Variants in CAMTA1 observed in about 807,000 individuals in gnomAD.
The protein encoded by CAMTA1 is calmodulin binding transcription activator 1, also known as calmodulin-binding transcription activator 1.
CAMTA1 carries 27 observed loss-of-function variants against 170.9 expected under a neutral mutation model. The observed-to-expected ratio is 0.16, with a 90% confidence interval of 0.12 to 0.22. CAMTA1 has a LOEUF of 0.22. CAMTA1 is among the 10% of genes least tolerant of loss of function. CAMTA1 has a pLI of 1.00. For missense variants in CAMTA1, 1,619 were observed against 2,217.2 expected, an observed-to-expected ratio of 0.73 and a Z score of 5.42; for synonymous variants, 833 against 891.5, an observed-to-expected ratio of 0.93 and a Z score of 1.17.
chr1:7,058,137 T>G (rs1339137240), intron 3 of CAMTA1, among the ~76,000 whole-genome samples: 1 of 152,114 alleles, frequency 6.6e-6, no homozygotes, highest in Non-Finnish European at 1.5e-5. Flanking sequence ...ACATTGGGGC[T>G]GTGGGCTGCT....
At chr1:7,670,825 A>G in intron 9 of CAMTA1, 86 bp from the exon 10 acceptor site, 1 of 1,485,048 alleles carries the variant, frequency 6.7e-7, no homozygotes. Flanking sequence ...CCCCCATCTG[A>G]GCAGTGAAGC....
intron 5 of CAMTA1, among the ~76,000 whole-genome samples, chr1:7,340,241 C>T (rs956755623): frequency 1.3e-5 from 2 of 152,106 alleles, no homozygotes; most frequent in Non-Finnish European, 2.9e-5. Flanking sequence ...TTATAGTGTG[C>T]CAATTGTTGT....
At chr1:7,621,978 G>A (rs920350247) in intron 6 of CAMTA1, among the ~76,000 whole-genome samples, 4 of 152,226 alleles carry the variant, frequency 2.6e-5, no homozygotes, top group Non-Finnish European at 5.9e-5. Flanking sequence ...TTGCAATCCC[G>A]TCAAGTCTTT....
chr1:7,560,040 C>T (rs1448235568), intron 6 of CAMTA1, among the ~76,000 whole-genome samples: 1 of 152,228 alleles, frequency 6.6e-6, no homozygotes, highest in Non-Finnish European at 1.5e-5. Flanking sequence ...TCACATGTGA[C>T]TCTGGGACCC....
chr1:6,788,681 C>A (rs1400481116), intron 1 of CAMTA1, among the ~76,000 whole-genome samples: 2 of 152,030 alleles, frequency 1.3e-5, no homozygotes, highest in Non-Finnish European at 2.9e-5. Flanking sequence ...TTCTTCCTAC[C>A]GTTTCCTCCA....
rs1225139872 is a variant in CAMTA1 at position 7,769,435 on chromosome 1, G to A, written c.*2944G>A. On this transcript the variant is annotated 3_prime_UTR_variant, in exon 23 of 23. Coordinates refer to ENST00000303635, the MANE Select transcript of CAMTA1 (RefSeq NM_015215.4). ...AATACGAACCCCTCTCTGGCTGCAC[G>A]GTCGCTTATGGCAGTTCCACACAGT... The A allele has an allele frequency of 6.5e-6, 1 of 152,768 alleles. No individual in the cohort carries two copies. The highest frequency in any genetic ancestry group is 2.1e-4 in the South Asian group (1 of 4,826). The allele number at this position is 152,768 out of a possible 1,614,324, so 9.5% of individuals were successfully genotyped here.
chr1:7,453,593 G>A (rs895837570), intron 5 of CAMTA1, among the ~76,000 whole-genome samples: 2 of 152,232 alleles, frequency 1.3e-5, no homozygotes, highest in Non-Finnish European at 2.9e-5. Flanking sequence ...AGTCCTGGGG[G>A]AAGGCTGCCC....
Position 7,415,123 on chromosome 1 carries a change from A to T in CAMTA1, c.439-52707A>T, listed in dbSNP as rs1409086218. On this transcript the variant is annotated intron_variant, in intron 5 of 22. Transcript: ENST00000303635. ...GTTTGATTGCACTGTGGTCTGAGAG[A>T]CAGTTTGTTATAATTTCTGTTCTTT... Among the ~76,000 whole-genome samples, 4 of 152,166 alleles carry T rather than the reference A, an allele frequency of 2.6e-5. No homozygotes were observed. In the South Asian group the frequency reaches 8.3e-4, roughly 32 times the overall value.
intron 4 of CAMTA1, among the ~76,000 whole-genome samples, chr1:7,242,893 C>T (rs868387604): frequency 4.6e-5 from 7 of 151,920 alleles, no homozygotes; most frequent in Admixed American, 2.6e-4. Context: ...ACCCAGAAGG[C>T]GGAGCTTGCA....
rs188821784 is a variant in CAMTA1 at position 6,974,638 on chromosome 1, A to C, written c.235-116666A>C. Among the ~76,000 whole-genome samples the C allele has an allele frequency of 3.9e-5, 6 of 152,264 alleles. No individual in the cohort carries two copies. In the East Asian group the frequency reaches 1.2e-3, roughly 29 times the overall value. On this transcript the variant is annotated intron_variant, in intron 3 of 22. Transcript: ENST00000303635. ...GGAGGCTGCTCGGAGGGAGTCTTTG[A>C]GGAAGCCGACTCCTCTTACCTGCCG...
chr1:6,891,848 C>G (rs1327476556), intron 3 of CAMTA1, among the ~76,000 whole-genome samples: 1 of 152,184 alleles, frequency 6.6e-6, no homozygotes, highest in African/African-American at 2.4e-5. Context: ...AGTGATGCCA[C>G]AGACAACATC....
rs139529942 is a variant in CAMTA1, at chr1:6,907,224, T to G, written c.234+82014T>G. ...AGGATGTTCTGGAGGCCGAGCAGCA[T>G]CATCAACATTCAGTGTTTGCTGAGT... On this transcript the variant is annotated intron_variant, in intron 3 of 22. Coordinates refer to ENST00000303635, the MANE Select transcript of CAMTA1 (RefSeq NM_015215.4). Among the ~76,000 whole-genome samples the G allele has an allele frequency of 4.5e-3, 684 of 152,322 alleles. 8 individuals carry two copies. The highest frequency in any genetic ancestry group is 0.016 in the African/African-American group (668 of 41,568).
At chr1:6,830,380 GT>G (rs1286272542) in intron 3 of CAMTA1, among the ~76,000 whole-genome samples, 6 of 144,672 alleles carry the variant, frequency 4.1e-5, no homozygotes, top group Admixed American at 7.0e-5. Flanking sequence ...GTCTCACTCT[GT>G]TACCCAGGCT....
intron 22 of CAMTA1, among the ~76,000 whole-genome samples, chr1:7,757,159 T>C (rs891203529): frequency 3.3e-5 from 5 of 152,220 alleles, no homozygotes; most frequent in African/African-American, 1.2e-4. Flanking sequence ...TAGACTTATG[T>C]TGGTGCTAAT....
chr1:6,922,748 T>C (rs1338557173), intron 3 of CAMTA1, among the ~76,000 whole-genome samples: 1 of 152,172 alleles, frequency 6.6e-6, no homozygotes, highest in Non-Finnish European at 1.5e-5. Context: ...TGGCCTCCAC[T>C]TCTTGGTGGG....
rs953321108 is a variant in CAMTA1, at chr1:6,844,864, T to G, written c.234+19654T>G. ...TTTCTAAAGTTCAAAGAGTCAATGC[T>G]AAGCTATTGTTTAAGGACACATAAG... On this transcript the variant is annotated intron_variant, in intron 3 of 22. Coordinates refer to ENST00000303635, the MANE Select transcript of CAMTA1 (RefSeq NM_015215.4). 2.0e-5 allele frequency among the ~76,000 whole-genome samples: 3 copies of G among 152,292 alleles called. No individual in the cohort carries two copies. The South Asian group carries it at 6.2e-4, about 32-fold the overall frequency.
At chr1:7,647,668 A>C (rs2095818204) in intron 7 of CAMTA1, among the ~76,000 whole-genome samples, 1 of 152,190 alleles carries the variant, frequency 6.6e-6, no homozygotes, top group South Asian at 2.1e-4. Context: ...TTTCCTCTCC[A>C]GCTCAGTCGA....
chr1:6,796,294 T>C (rs563096550), intron 1 of CAMTA1, among the ~76,000 whole-genome samples: 1 of 152,072 alleles, frequency 6.6e-6, no homozygotes, highest in South Asian at 2.1e-4. Context: ...CGCGCCACCA[T>C]GCCTGGCTAA....
intron 4 of CAMTA1, among the ~76,000 whole-genome samples, chr1:7,204,878 G>C (rs1573880336): frequency 8.0e-6 from 1 of 124,624 alleles, no homozygotes; most frequent in East Asian, 2.4e-4. Flanking sequence ...CACCCAGGCT[G>C]AAGTGCAGTG....
Sources: gnomAD v4.1 joint callset for allele counts (sites outside exome capture counted in the v4.1 genomes callset) on GRCh38, gnomAD v4.1.1 for gene constraint, MANE v1.5 for transcripts, NCBI Gene and HGNC (gene_info 2026-07-23, HGNC 2026-07-21) for gene names.